Variants in DAB1 observed in about 807,000 individuals in gnomAD.
DAB1 encodes DAB adaptor protein 1.
Under a neutral mutation model 64.6 loss-of-function variants are expected in DAB1, and 15 were observed. The ratio of observed to expected loss-of-function variants is 0.23; its 90% CI spans 0.16 to 0.36. The LOEUF (loss-of-function observed/expected upper bound fraction) is 0.36. DAB1 is among the 10% of genes least tolerant of loss of function. The pLI, the probability that DAB1 is intolerant of heterozygous loss-of-function variation, is 1.00. For synonymous variants in DAB1, 235 were observed against 251.9 expected (o/e 0.93, Z 0.64); for missense variants, 596 against 706.7 (o/e 0.84, Z 1.78).
chr1:57,418,642 T>A (rs1204585168), intron 1 of DAB1, among the ~76,000 whole-genome samples: 5 of 152,182 alleles, frequency 3.3e-5, no homozygotes, highest in Non-Finnish European at 7.4e-5. Context: ...ATTTTCGTCA[T>A]TTTAGCTGTC....
At chr1:58,174,455 G>C (rs1028302007) in intron 4 of DAB1, among the ~76,000 whole-genome samples, 1 of 152,162 alleles carries the variant, frequency 6.6e-6, no homozygotes, top group Admixed American at 6.5e-5. Flanking sequence ...GGACCGACCT[G>C]CTGGCCCTCT....
At chr1:58,086,025 G>C (rs978358805) in intron 5 of DAB1, among the ~76,000 whole-genome samples, 1 of 141,108 alleles carries the variant, frequency 7.1e-6, no homozygotes, top group East Asian at 2.2e-4. Context: ...GTGCAGTGGC[G>C]GGATCTCGGC....
At chr1:57,038,278 A>G (rs1647276645) in intron 9 of DAB1, among the ~76,000 whole-genome samples, 1 of 152,250 alleles carries the variant, frequency 6.6e-6, no homozygotes, top group African/African-American at 2.4e-5. Context: ...TTGCAAAAGC[A>G]GCCGACTTCT....
chr1:58,119,394 T>TA (rs1310886195), intron 5 of DAB1, among the ~76,000 whole-genome samples: 1 of 151,538 alleles, frequency 6.6e-6, no homozygotes, highest in Non-Finnish European at 1.5e-5. Context: ...GCAGAAATAT[T>TA]AATGTATTTA....
In DAB1 at chr1:57,989,195, G is replaced by A. The variant is rs545057052; in HGVS notation, n.388-105033C>T. 5.9e-5 allele frequency among the ~76,000 whole-genome samples: 9 copies of A among 152,238 alleles called. No individual in the cohort carries two copies. The East Asian group carries it at 1.5e-3, about 26-fold the overall frequency. ...AATACCTCATAGAGTAGGCATGAGG[G>A]TTATATGAGTAAAGTGCTGAGAAAG... On this transcript the variant is annotated intron_variant and non_coding_transcript_variant, in intron 5 of 20. Coordinates refer to the DAB1 transcript ENST00000485760.
chr1:57,553,767 G>A (rs6698916), intron 7 of DAB1, among the ~76,000 whole-genome samples: 1,776 of 152,254 alleles, frequency 0.012, 47 homozygotes, highest in African/African-American at 0.041. Flanking sequence ...GTCAAATGCA[G>A]CAGCAACAAG....
chr1:58,268,101 T>C (rs1661217557), intron 4 of DAB1, among the ~76,000 whole-genome samples: 1 of 152,162 alleles, frequency 6.6e-6, no homozygotes, highest in South Asian at 2.1e-4. Context: ...AGCTATATGA[T>C]TTACTAAAGT....
At chr1:58,261,032 G>A (rs1166653597) in intron 4 of DAB1, among the ~76,000 whole-genome samples, 4 of 151,996 alleles carry the variant, frequency 2.6e-5, no homozygotes, top group Admixed American at 2.6e-4. Context: ...TCACATAATT[G>A]CAATGTATAC....
intron 5 of DAB1, among the ~76,000 whole-genome samples, chr1:58,076,756 C>T (rs577580949): frequency 2.0e-5 from 3 of 152,328 alleles, no homozygotes; most frequent in East Asian, 3.9e-4. Flanking sequence ...CCCTCCTCCT[C>T]GCTGCCCTCA....
chr1:57,318,422 A>G (rs1675403449), intron 1 of DAB1, among the ~76,000 whole-genome samples: 2 of 152,174 alleles, frequency 1.3e-5, no homozygotes, highest in African/African-American at 4.8e-5. Flanking sequence ...CACAGCTTAA[A>G]ATACTCTGGT....
chr1:57,670,441 C>T (rs1203642452), intron 6 of DAB1, among the ~76,000 whole-genome samples: 1 of 152,076 alleles, frequency 6.6e-6, no homozygotes, highest in Admixed American at 6.6e-5. Flanking sequence ...TGTGCTCTAC[C>T]TTGTTCAAGC....
intron 2 of DAB1, among the ~76,000 whole-genome samples, chr1:58,515,426 G>C (rs1456504430): frequency 2.0e-5 from 3 of 152,002 alleles, no homozygotes; most frequent in Non-Finnish European, 4.4e-5. Context: ...AATAAATTAA[G>C]TTTTAATAAA....
intron 6 of DAB1, among the ~76,000 whole-genome samples, chr1:57,686,913 C>G (rs1011602547): frequency 2.0e-5 from 3 of 152,134 alleles, no homozygotes; most frequent in African/African-American, 7.2e-5. Flanking sequence ...TAATAACTAT[C>G]TATGACAAAC....
intron 5 of DAB1, among the ~76,000 whole-genome samples, chr1:57,967,861 T>C (rs1645705578): frequency 6.6e-6 from 1 of 152,228 alleles, no homozygotes; most frequent in Non-Finnish European, 1.5e-5. Flanking sequence ...ATGATAAAGA[T>C]GTAATTTTGG....
At chr1:58,460,727 G>A (rs1009749411) in intron 3 of DAB1, among the ~76,000 whole-genome samples, 2 of 152,270 alleles carry the variant, frequency 1.3e-5, no homozygotes, top group African/African-American at 4.8e-5. Flanking sequence ...CAGACAGTGT[G>A]TATAATGATT....
intron 4 of DAB1, among the ~76,000 whole-genome samples, chr1:58,336,664 T>C (rs1408255914): frequency 6.6e-6 from 1 of 152,202 alleles, no homozygotes; most frequent in African/African-American, 2.4e-5. Flanking sequence ...CAATCCTTTA[T>C]CAGAAAATGG....
chr1:58,072,247 C>T (rs2764684), intron 5 of DAB1, among the ~76,000 whole-genome samples: 133,873 of 152,206 alleles, frequency 0.88, 59,065 homozygotes, highest in East Asian at 1. Context: ...ACAAATATTG[C>T]CATAATCAGA....
intron 2 of DAB1, among the ~76,000 whole-genome samples, chr1:57,196,105 A>T (rs1287385518): frequency 2.0e-5 from 3 of 152,154 alleles, no homozygotes. Flanking sequence ...GAAGTGATGG[A>T]TGTTTTGTAA....
intron 1 of DAB1, among the ~76,000 whole-genome samples, chr1:57,321,331 C>G (rs1243734287): frequency 1.3e-5 from 2 of 152,166 alleles, no homozygotes; most frequent in Non-Finnish European, 2.9e-5. Context: ...ATTCCCATGG[C>G]TTTTTCCAGC....
Sources: allele counts gnomAD v4.1 joint callset (sites outside exome capture counted in the v4.1 genomes callset), GRCh38; gene constraint gnomAD v4.1.1; transcripts MANE v1.5; gene names NCBI Gene and HGNC (gene_info 2026-07-23, HGNC 2026-07-21).